Variants in KCND2 observed in about 807,000 individuals in gnomAD.
KCND2 encodes the protein A-type voltage-gated potassium channel KCND2.
A neutral mutation model predicts 54.4 loss-of-function variants in KCND2; 16 were observed. That is an observed-to-expected ratio of 0.29 (90% CI 0.20 to 0.45). The LOEUF is 0.45. KCND2 is among the 20% of genes least tolerant of loss of function. KCND2 has a pLI of 1.00. For synonymous variants in KCND2, 317 were observed against 310.7 expected (o/e 1.02, Z -0.21); for missense variants, 486 against 824.2 (o/e 0.59, Z 5.02).
chr7:120,669,482 G>GGA (rs1791965917), intron 1 of KCND2, among the ~76,000 whole-genome samples: 1 of 151,838 alleles, frequency 6.6e-6, no homozygotes, highest in South Asian at 2.1e-4. Flanking sequence ...TTGGTGCCCT[G>GGA]GATATATATA....
intron 1 of KCND2, among the ~76,000 whole-genome samples, chr7:120,535,094 C>G (rs1286770107): frequency 6.6e-6 from 1 of 152,196 alleles, no homozygotes; most frequent in South Asian, 2.1e-4. Flanking sequence ...TAAAACCTTG[C>G]TATTATAGTA....
intron 1 of KCND2, among the ~76,000 whole-genome samples, chr7:120,686,042 C>G (rs1792196815): frequency 6.6e-6 from 1 of 152,104 alleles, no homozygotes; most frequent in South Asian, 2.1e-4. Context: ...AAGTTTCTCT[C>G]TGGCAAAGAA....
chr7:120,630,280 G>A (rs953005644), intron 1 of KCND2, among the ~76,000 whole-genome samples: 4 of 152,146 alleles, frequency 2.6e-5, no homozygotes, highest in Non-Finnish European at 5.9e-5. Context: ...GGAATTGACC[G>A]AGGCACTATA....
chr7:120,534,391 C>T (rs942580701), intron 1 of KCND2, among the ~76,000 whole-genome samples: 2 of 152,086 alleles, frequency 1.3e-5, no homozygotes, highest in African/African-American at 4.8e-5. Flanking sequence ...AGTCTAACCA[C>T]AAGACAAACT....
rs148029214 is a variant in KCND2 at position 120,487,364 on chromosome 7, A to C, written c.1115+211617A>C. Among the ~76,000 whole-genome samples, 79 of 152,296 alleles carry C rather than the reference A, an allele frequency of 5.2e-4. No individual in the cohort carries two copies. In the East Asian group the frequency reaches 0.015, roughly 29 times the overall value. On this transcript the variant is annotated intron_variant, in intron 1 of 5. Coordinates refer to ENST00000331113, the MANE Select transcript of KCND2 (RefSeq NM_012281.3). ...GAACAACAATTTAAAAAATGGAATA[A>C]CAAGAAAAATGAAGAAAGTGAAAGA...
chr7:120,395,581 G>A (rs1563032321), intron 1 of KCND2, among the ~76,000 whole-genome samples: 1 of 151,992 alleles, frequency 6.6e-6, no homozygotes, highest in Non-Finnish European at 1.5e-5. Flanking sequence ...TTGTGGAGCA[G>A]GACTAACTCA....
At chr7:120,626,784 A>G (rs1793169248) in intron 1 of KCND2, among the ~76,000 whole-genome samples, 2 of 152,192 alleles carry the variant, frequency 1.3e-5, no homozygotes. Context: ...ATTAGATTAT[A>G]GTTTCTTCCC....
chr7:120,477,958 A>G (rs765232357), intron 1 of KCND2, among the ~76,000 whole-genome samples: 2 of 152,118 alleles, frequency 1.3e-5, no homozygotes, highest in Non-Finnish European at 1.5e-5. Flanking sequence ...ATTTCTCATC[A>G]CCAGTGTTTT....
intron 1 of KCND2, among the ~76,000 whole-genome samples, chr7:120,714,024 C>T (rs1415839719): frequency 6.6e-6 from 1 of 152,102 alleles, no homozygotes; most frequent in Non-Finnish European, 1.5e-5. Flanking sequence ...ATTTTGCTCA[C>T]TGGAGGATAC....
At chr7:120,336,394 T>C (rs1417811638) in intron 1 of KCND2, among the ~76,000 whole-genome samples, 1 of 152,186 alleles carries the variant, frequency 6.6e-6, no homozygotes, top group Non-Finnish European at 1.5e-5. Flanking sequence ...GTGGGCTTTT[T>C]CCAAGTCTCT....
intron 1 of KCND2, among the ~76,000 whole-genome samples, chr7:120,460,505 A>G (rs1802267913): frequency 6.6e-6 from 1 of 150,706 alleles, no homozygotes; most frequent in Non-Finnish European, 1.5e-5. Context: ...CAGCCCCCAA[A>G]GGCATCCTTA....
intron 1 of KCND2, among the ~76,000 whole-genome samples, chr7:120,498,673 G>C (rs921375185): frequency 4.6e-5 from 7 of 151,898 alleles, no homozygotes; most frequent in African/African-American, 1.7e-4. Context: ...TACTCAGGAG[G>C]CTGAGGCATG....
At chr7:120,378,432 GT>G (rs776057903) in intron 1 of KCND2, among the ~76,000 whole-genome samples, 1 of 151,752 alleles carries the variant, frequency 6.6e-6, no homozygotes, top group Non-Finnish European at 1.5e-5. Flanking sequence ...TCAGGTGGAA[GT>G]TTTTTTTCCA....
chr7:120,611,557 T>G (rs1792955347), intron 1 of KCND2, among the ~76,000 whole-genome samples: 1 of 152,138 alleles, frequency 6.6e-6, no homozygotes, highest in Non-Finnish European at 1.5e-5. Context: ...AGAAAATGGT[T>G]CTTAAAACTC....
At chr7:120,505,720 A>G (rs1263895217) in intron 1 of KCND2, among the ~76,000 whole-genome samples, 2 of 151,780 alleles carry the variant, frequency 1.3e-5, no homozygotes, top group Non-Finnish European at 1.5e-5. Context: ...ATAGCTGTAC[A>G]GTGGTAAGAA....
intron 1 of KCND2, among the ~76,000 whole-genome samples, chr7:120,523,097 T>C (rs1791720022): frequency 6.6e-6 from 1 of 152,128 alleles, no homozygotes; most frequent in African/African-American, 2.4e-5. Context: ...TTTTAAATAT[T>C]TGTAGAAGGT....
At chr7:120,372,986 C>T (rs1279016739) in intron 1 of KCND2, among the ~76,000 whole-genome samples, 1 of 151,818 alleles carries the variant, frequency 6.6e-6, no homozygotes, top group African/African-American at 2.4e-5. Context: ...CCCTTAGCTT[C>T]ATTTCCCCTC....
chr7:120,568,710 T>C (rs1792328257), intron 1 of KCND2, among the ~76,000 whole-genome samples: 1 of 152,128 alleles, frequency 6.6e-6, no homozygotes. Flanking sequence ...AGTAAATTGC[T>C]AAACCTCTGT....
intron 1 of KCND2, among the ~76,000 whole-genome samples, chr7:120,584,713 G>A (rs912313549): frequency 6.6e-6 from 1 of 152,212 alleles, no homozygotes; most frequent in Non-Finnish European, 1.5e-5. Context: ...ATCACTATAT[G>A]TGACATTCTG....
Sources: gnomAD v4.1 joint callset for allele counts (sites outside exome capture counted in the v4.1 genomes callset) on GRCh38, gnomAD v4.1.1 for gene constraint, MANE v1.5 for transcripts, NCBI Gene and HGNC (gene_info 2026-07-23, HGNC 2026-07-21) for gene names.